Variants in CNKSR2 observed in about 807,000 individuals in gnomAD.
CNKSR2 encodes the protein CNK homolog protein 2.
In CNKSR2, 14 loss-of-function variants were observed where a neutral mutation model predicts 84.4. The ratio of observed to expected loss-of-function variants is 0.17; its 90% CI spans 0.11 to 0.26. The LOEUF is 0.26. Among genes scored for constraint, CNKSR2 ranks in the 10% least tolerant of loss-of-function variants. The pLI is 1.00. For synonymous variants in CNKSR2, 275 were observed against 277.9 expected, an observed-to-expected ratio of 0.99 and a Z score of 0.10; for missense variants, 485 against 771.2, an observed-to-expected ratio of 0.63 and a Z score of 4.40.
intron 6 of CNKSR2, chrX:21,492,452 C>T (rs1201623645): frequency 3.6e-5 from 4 of 111,192 alleles, no homozygotes; most frequent in Non-Finnish European, 7.6e-5. Flanking sequence ...AATAAAATTG[C>T]ACATATTCAC....
chrX:21,634,415 C>T (rs763401661), intron 20 of CNKSR2, among the ~76,000 whole-genome samples: 1 of 112,067 alleles, frequency 8.9e-6, no homozygotes, highest in Admixed American at 9.5e-5. Flanking sequence ...ACTGGCAGTG[C>T]CCCTAAAGCA....
At chrX:21,555,376 C>G (rs2092130442) in intron 11 of CNKSR2, among the ~76,000 whole-genome samples, 1 of 111,475 alleles carries the variant, frequency 9.0e-6, no homozygotes, top group Non-Finnish European at 1.9e-5. Flanking sequence ...CTCTTTTATC[C>G]AGAAATGAAA....
chrX:21,418,325 G>A (rs944203380), intron 1 of CNKSR2, among the ~76,000 whole-genome samples: 3 of 111,126 alleles, frequency 2.7e-5, no homozygotes, highest in Non-Finnish European at 5.7e-5. Flanking sequence ...GAATTTACAC[G>A]CCACAATTAC....
intron 6 of CNKSR2, 51 bp from the exon 7 acceptor site, chrX:21,497,736 G>C: frequency 1.6e-6 from 1 of 615,947 alleles, no homozygotes; most frequent in Non-Finnish European, 2.8e-6. Flanking sequence ...CAATGTACTT[G>C]AAAATTCACC....
intron 4 of CNKSR2, among the ~76,000 whole-genome samples, chrX:21,467,627 T>C (rs1043595791): frequency 1.8e-5 from 2 of 111,348 alleles, no homozygotes; most frequent in East Asian, 2.8e-4. Flanking sequence ...AAAAACATTA[T>C]TTAAAATTTA....
At chrX:21,423,826 T>G (rs1292239010) in intron 1 of CNKSR2, 1 of 111,703 alleles carries the variant, frequency 9.0e-6, no homozygotes, top group Non-Finnish European at 1.9e-5. Context: ...GTTTTAATTT[T>G]TTTTTTCTGG....
intron 13 of CNKSR2, among the ~76,000 whole-genome samples, chrX:21,587,678 C>A (rs1381481077): frequency 1.8e-5 from 2 of 112,016 alleles, no homozygotes; most frequent in Non-Finnish European, 3.8e-5. Context: ...TAAATTTGCA[C>A]CTCAGGGGTG....
intron 4 of CNKSR2, among the ~76,000 whole-genome samples, chrX:21,468,949 A>G (rs952936674): frequency 8.9e-6 from 1 of 111,914 alleles, no homozygotes; most frequent in Admixed American, 9.5e-5. Context: ...ACTACCATCT[A>G]ACATCATATG....
At chrX:21,596,380 C>G (rs2092450954) in intron 17 of CNKSR2, among the ~76,000 whole-genome samples, 1 of 111,496 alleles carries the variant, frequency 9.0e-6, no homozygotes, top group Non-Finnish European at 1.9e-5. Flanking sequence ...ATAAGACTGA[C>G]CCCTATCAGT....
At position 21,548,476 on chromosome X, in the gene CNKSR2, G is replaced by A. The variant is rs745831267; in HGVS notation, c.1304-12995G>A. On this transcript the variant is annotated intron_variant, in intron 11 of 21. Coordinates refer to ENST00000379510, the MANE Select transcript of CNKSR2 (RefSeq NM_014927.5). ...CCCAGGACCAGATGGATTCATAGCC[G>A]AATTCTACCTGAGGTACAAAGAGGA... Among the ~76,000 whole-genome samples the A allele has an allele frequency of 3.6e-5, 4 of 111,509 alleles. No individual in the cohort carries two copies. In the East Asian group the frequency reaches 1.1e-3, roughly 32 times the overall value.
At chrX:21,391,324 C>T (rs1470733208) in intron 1 of CNKSR2, among the ~76,000 whole-genome samples, 2 of 112,656 alleles carry the variant, frequency 1.8e-5, no homozygotes, top group Middle Eastern at 4.6e-3. Context: ...GAGGTCTCCT[C>T]CCCTGCAGTA....
intron 1 of CNKSR2, among the ~76,000 whole-genome samples, chrX:21,405,995 A>G (rs770955299): frequency 9.0e-6 from 1 of 111,161 alleles, no homozygotes; most frequent in African/African-American, 3.3e-5. Flanking sequence ...AGTAGCATAT[A>G]GACTCTACAG....
intron 2 of CNKSR2, among the ~76,000 whole-genome samples, chrX:21,431,313 C>G (rs2090631032): frequency 9.0e-6 from 1 of 111,318 alleles, no homozygotes; most frequent in Non-Finnish European, 1.9e-5. Context: ...TTATTGTTAC[C>G]ATGTTTCTGA....
intron 13 of CNKSR2, among the ~76,000 whole-genome samples, chrX:21,590,097 T>C (rs1423488440): frequency 1.8e-5 from 2 of 111,387 alleles, no homozygotes; most frequent in Admixed American, 1.9e-4. Flanking sequence ...GAAAAAAATA[T>C]TGTTCCAAGT....
intron 4 of CNKSR2, among the ~76,000 whole-genome samples, chrX:21,468,235 AAT>A (rs2091153784): frequency 9.0e-6 from 1 of 110,889 alleles, no homozygotes; most frequent in Non-Finnish European, 1.9e-5. Context: ...CAAGGGGAAA[AAT>A]ATGTCTATTT....
chrX:21,427,829 G>A (rs2090585463), intron 2 of CNKSR2: 1 of 112,095 alleles, frequency 8.9e-6, no homozygotes, highest in South Asian at 3.7e-4. Flanking sequence ...AAATTCCAGG[G>A]GAGTGTAGAA....
intron 4 of CNKSR2, among the ~76,000 whole-genome samples, chrX:21,450,357 A>G (rs1294838290): frequency 8.9e-6 from 1 of 111,888 alleles, no homozygotes; most frequent in Non-Finnish European, 1.9e-5. Context: ...GGATTTTTAT[A>G]TCTTGTCATC....
At chrX:21,616,737 TC>T (rs1189466036) in intron 20 of CNKSR2, among the ~76,000 whole-genome samples, 1 of 112,224 alleles carries the variant, frequency 8.9e-6, no homozygotes, top group Non-Finnish European at 1.9e-5. Context: ...AACCAGATCT[TC>T]CAGCTCTCTT....
At chrX:21,409,804 C>T (rs1420205894) in intron 1 of CNKSR2, among the ~76,000 whole-genome samples, 1 of 110,943 alleles carries the variant, frequency 9.0e-6, no homozygotes, top group Non-Finnish European at 1.9e-5. Flanking sequence ...ATCCATAAAA[C>T]ATGAAATTAG....
Sources: gnomAD v4.1 joint callset for allele counts (sites outside exome capture counted in the v4.1 genomes callset) on GRCh38, gnomAD v4.1.1 for gene constraint, MANE v1.5 for transcripts, NCBI Gene and HGNC (gene_info 2026-07-23, HGNC 2026-07-21) for gene names.